The following GABRA3 variants were observed in gnomAD, a reference collection of about 807,000 sequenced individuals.
GABRA3 encodes the protein gamma-aminobutyric acid receptor subunit alpha-3.
Under a neutral mutation model 30.1 loss-of-function variants are expected in GABRA3, and 10 were observed. The ratio of observed to expected loss-of-function variants is 0.33; its 90% confidence interval spans 0.20 to 0.56. GABRA3 has a LOEUF of 0.56. Among genes scored for constraint, GABRA3 ranks in the 20% least tolerant of loss-of-function variants. The probability of loss-of-function intolerance (pLI) is 0.89; values close to 1 mark genes in which losing one functional copy is unlikely to be tolerated. For synonymous variants in GABRA3, 151 were observed against 146.8 expected (o/e 1.03, Z -0.21); for missense variants, 233 against 392.0 (o/e 0.59, Z 3.42).
chrX:152,350,883 A>G (rs1201419368), intron 2 of GABRA3, among the ~76,000 whole-genome samples: 1 of 112,301 alleles, frequency 8.9e-6, no homozygotes, highest in Non-Finnish European at 1.9e-5. Flanking sequence ...GTTGTATTGT[A>G]AGGATGAAAA....
chrX:152,234,732 T>C (rs778488201), intron 5 of GABRA3, among the ~76,000 whole-genome samples: 1 of 111,781 alleles, frequency 8.9e-6, no homozygotes, highest in African/African-American at 3.2e-5. Context: ...TAGGGTGTCC[T>C]TTCTCCAGTG....
rs1157330274 is a variant in GABRA3, at chrX:152,190,352, G to GA, written c.932-412dup. Among the ~76,000 whole-genome samples the GA allele has an allele frequency of 3.6e-5, 4 of 109,617 alleles. No individual in the cohort carries two copies. The East Asian group carries it at 8.6e-4, about 24-fold the overall frequency. On this transcript the variant is annotated intron_variant, in intron 8 of 9. Transcript: ENST00000370314. ...GAGTGTCTTCTGTAGCCATGCAAGG[G>GA]AAAAAAAATCTGCTCCTTACTCTCC...
At chrX:152,259,834 G>A (rs58080184) in intron 4 of GABRA3, among the ~76,000 whole-genome samples, 1 of 109,353 alleles carries the variant, frequency 9.1e-6, no homozygotes, top group African/African-American at 3.3e-5. Flanking sequence ...GGTACTAGAC[G>A]CTTTCTGCTT....
intron 9 of GABRA3, among the ~76,000 whole-genome samples, chrX:152,182,585 GTA>G (rs1213826059): frequency 1.6e-5 from 1 of 63,088 alleles, no homozygotes; most frequent in African/African-American, 7.0e-5. Context: ...CATATATAGT[GTA>G]TATACACACT....
At chrX:152,406,264 T>C (rs1929932319) in intron 1 of GABRA3, among the ~76,000 whole-genome samples, 1 of 110,461 alleles carries the variant, frequency 9.1e-6, no homozygotes, top group African/African-American at 3.3e-5. Context: ...GACTAAATTT[T>C]CCAATAAAAG....
chrX:152,391,313 G>T (rs1929476775), intron 1 of GABRA3, among the ~76,000 whole-genome samples: 1 of 111,962 alleles, frequency 8.9e-6, no homozygotes, highest in South Asian at 3.7e-4. Flanking sequence ...CAATATATGA[G>T]CAGAAATTCC....
chrX:152,335,253 A>C (rs6653477), intron 3 of GABRA3, among the ~76,000 whole-genome samples: 20,196 of 110,940 alleles, frequency 0.18, 1,516 homozygotes, highest in African/African-American at 0.28. Context: ...CGTTCCTCAG[A>C]GAAAAGTGTG....
chrX:152,346,953 A>G (rs888513202), intron 2 of GABRA3, among the ~76,000 whole-genome samples: 12 of 111,918 alleles, frequency 1.1e-4, no homozygotes, highest in African/African-American at 3.9e-4. Context: ...AATATTAAAA[A>G]TAGAGCTACC....
chrX:152,320,624 T>C (rs1217128742), intron 3 of GABRA3, among the ~76,000 whole-genome samples: 1 of 111,293 alleles, frequency 9.0e-6, no homozygotes, highest in Non-Finnish European at 1.9e-5. Flanking sequence ...GTTGAGTGTA[T>C]ACTGCTCAGG....
chrX:152,404,836 C>T (rs1259542538), intron 1 of GABRA3, among the ~76,000 whole-genome samples: 1 of 106,751 alleles, frequency 9.4e-6, no homozygotes, highest in Non-Finnish European at 1.9e-5. Context: ...GTTAAGAAAA[C>T]ACAGACTTCA....
At chrX:152,287,326 A>G (rs928431076) in intron 3 of GABRA3, among the ~76,000 whole-genome samples, 4 of 111,288 alleles carry the variant, frequency 3.6e-5, no homozygotes, top group African/African-American at 1.3e-4. Context: ...CTCACCTTGA[A>G]TTGTAATCCC....
chrX:152,255,048 A>C (rs1428199095), intron 5 of GABRA3, among the ~76,000 whole-genome samples: 1 of 111,836 alleles, frequency 8.9e-6, no homozygotes, highest in Admixed American at 9.5e-5. Flanking sequence ...GAAATACATA[A>C]AATTGTGATG....
At chrX:152,268,301 A>G (rs1938866231) in intron 4 of GABRA3, among the ~76,000 whole-genome samples, 1 of 111,701 alleles carries the variant, frequency 9.0e-6, no homozygotes, top group Non-Finnish European at 1.9e-5. Flanking sequence ...GACCCGGTAG[A>G]AGGTAATTGA....
chrX:152,438,513 C>G (rs1434519996), intron 1 of GABRA3, among the ~76,000 whole-genome samples: 5 of 112,382 alleles, frequency 4.4e-5, no homozygotes, highest in Non-Finnish European at 9.4e-5. Flanking sequence ...CTTACAAACA[C>G]TTATAGCAGC....
At chrX:152,382,672 A>G (rs1929178559) in intron 1 of GABRA3, among the ~76,000 whole-genome samples, 1 of 111,573 alleles carries the variant, frequency 9.0e-6, no homozygotes, top group Non-Finnish European at 1.9e-5. Flanking sequence ...TTAAGTCTCT[A>G]ATCTATTGGA....
chrX:152,445,089 A>T (rs1212174278), intron 1 of GABRA3, among the ~76,000 whole-genome samples: 1 of 98,221 alleles, frequency 1.0e-5, no homozygotes, highest in Non-Finnish European at 2.0e-5. Flanking sequence ...AAAAAAAAAT[A>T]CTTGTGTTTT....
chrX:152,233,760 G>A (rs1158225941), intron 5 of GABRA3, among the ~76,000 whole-genome samples: 3 of 103,857 alleles, frequency 2.9e-5, no homozygotes, highest in African/African-American at 7.1e-5. Context: ...TGTTTATTGC[G>A]GCATTATTCA....
intron 1 of GABRA3, among the ~76,000 whole-genome samples, chrX:152,430,830 T>C (rs1281756081): frequency 9.2e-6 from 1 of 108,215 alleles, no homozygotes; most frequent in Non-Finnish European, 1.9e-5. Context: ...CAATAGAAAA[T>C]GTAAGAAAAT....
intron 3 of GABRA3, among the ~76,000 whole-genome samples, chrX:152,303,296 T>A: frequency 9.0e-6 from 1 of 111,670 alleles, no homozygotes; most frequent in East Asian, 2.8e-4. Flanking sequence ...TGGCGATCAT[T>A]AAAAAGTCAG....
Sources: gnomAD v4.1 joint callset for allele counts (sites outside exome capture counted in the v4.1 genomes callset) on GRCh38, gnomAD v4.1.1 for gene constraint, MANE v1.5 for transcripts, NCBI Gene and HGNC (gene_info 2026-07-23, HGNC 2026-07-21) for gene names.